Variants in RGS6 observed in about 807,000 individuals in gnomAD.
The protein encoded by RGS6 is regulator of G protein signaling 6, also known as regulator of G-protein signaling 6.
Under a neutral mutation model 78.5 loss-of-function variants are expected in RGS6, and 30 were observed. That is an observed-to-expected ratio of 0.38 (90% CI 0.29 to 0.52). The LOEUF (loss-of-function observed/expected upper bound fraction) is 0.52, where lower values mean the gene tolerates loss of function less well. Among genes scored for constraint, RGS6 ranks in the 20% least tolerant of loss-of-function variants. The probability of loss-of-function intolerance (pLI) is 0.85; values close to 1 mark genes in which losing one functional copy is unlikely to be tolerated. For synonymous variants in RGS6, 206 were observed against 206.0 expected, an observed-to-expected ratio of 1.00 and a Z score of 0.00; for missense variants, 495 against 609.7, an observed-to-expected ratio of 0.81 and a Z score of 1.98.
chr14:72,083,663 C>T (rs1432053666), intron 2 of RGS6, among the ~76,000 whole-genome samples: 2 of 152,148 alleles, frequency 1.3e-5, no homozygotes, highest in African/African-American at 4.8e-5. Flanking sequence ...TAAAAATTAA[C>T]CAACCACATT....
intron 2 of RGS6, among the ~76,000 whole-genome samples, chr14:72,259,359 C>T (rs2057689095): frequency 6.6e-6 from 1 of 152,036 alleles, no homozygotes; most frequent in African/African-American, 2.4e-5. Context: ...CCACAGTCTC[C>T]ACCATTCCCT....
the RGS6 span, among the ~76,000 whole-genome samples, chr14:71,905,500 T>C: frequency 6.6e-6 from 1 of 151,268 alleles, no homozygotes; most frequent in Non-Finnish European, 1.5e-5. Flanking sequence ...TTCTTTTCTC[T>C]TTTTTTTTGA....
chr14:72,208,189 G>C (rs1234485409), intron 2 of RGS6, among the ~76,000 whole-genome samples: 1 of 152,208 alleles, frequency 6.6e-6, no homozygotes, highest in African/African-American at 2.4e-5. Flanking sequence ...TTCTGAAGGA[G>C]AGAAACTCTC....
At chr14:72,467,027 G>A (rs1380219939) in intron 7 of RGS6, among the ~76,000 whole-genome samples, 1 of 152,134 alleles carries the variant, frequency 6.6e-6, no homozygotes, top group African/African-American at 2.4e-5. Flanking sequence ...TTCATAAGAT[G>A]AGACTTCTTG....
chr14:72,046,109 A>G (rs962613830), intron 2 of RGS6, among the ~76,000 whole-genome samples: 2 of 151,940 alleles, frequency 1.3e-5, no homozygotes, highest in African/African-American at 2.4e-5. Flanking sequence ...AGGTCAAAGC[A>G]TTAAAGTCAT....
At chr14:72,016,440 A>G (rs1201960865) in intron 2 of RGS6, among the ~76,000 whole-genome samples, 1 of 152,144 alleles carries the variant, frequency 6.6e-6, no homozygotes, top group Non-Finnish European at 1.5e-5. Flanking sequence ...ATCTCAGCTC[A>G]CTGCAAGTGC....
intron 17 of RGS6, among the ~76,000 whole-genome samples, chr14:72,550,030 T>C (rs1397442639): frequency 6.6e-6 from 1 of 152,180 alleles, no homozygotes; most frequent in Non-Finnish European, 1.5e-5. Flanking sequence ...ACCACCCCGA[T>C]TGCCGATGAC....
intron 3 of RGS6, among the ~76,000 whole-genome samples, chr14:72,396,921 A>G (rs549119108): frequency 2.6e-5 from 4 of 152,334 alleles, no homozygotes; most frequent in Admixed American, 2.6e-4. Flanking sequence ...TTTTGGTACC[A>G]GTACCATGCT....
chr14:72,046,135 C>G (rs1033043591), intron 2 of RGS6, among the ~76,000 whole-genome samples: 1 of 151,748 alleles, frequency 6.6e-6, no homozygotes, highest in Non-Finnish European at 1.5e-5. Flanking sequence ...TCCCTAGGAG[C>G]GTCTCCCCCA....
At chr14:72,131,939 A>G (rs1279097575) in intron 2 of RGS6, among the ~76,000 whole-genome samples, 1 of 152,232 alleles carries the variant, frequency 6.6e-6, no homozygotes, top group East Asian at 1.9e-4. Flanking sequence ...TTAAAAATGT[A>G]CAGCAAAATC....
intron 2 of RGS6, among the ~76,000 whole-genome samples, chr14:72,156,453 C>CAAAAA (rs11332387): frequency 1.3e-5 from 1 of 76,768 alleles, no homozygotes; most frequent in South Asian, 5.1e-4. Context: ...GACTCCATCT[C>CAAAAA]AAAAAAAAAA....
chr14:71,964,515 AC>A (rs972562133), intron 1 of RGS6, among the ~76,000 whole-genome samples: 23 of 152,288 alleles, frequency 1.5e-4, no homozygotes, highest in African/African-American at 5.3e-4. Context: ...TCAAAAAAAA[AC>A]AAAACAAAAC....
intron 2 of RGS6, among the ~76,000 whole-genome samples, chr14:72,074,848 A>G (rs183463274): frequency 6.6e-6 from 1 of 152,268 alleles, no homozygotes; most frequent in African/African-American, 2.4e-5. Flanking sequence ...TCTTTAAACT[A>G]TTTGATCATT....
chr14:72,504,921 ATTTTTTTTT>A lies in RGS6; in HGVS notation c.966-5213_966-5205del, dbSNP rs34953560. On this transcript the variant is annotated intron_variant, in intron 13 of 17. Coordinates refer to ENST00000553525, the MANE Select transcript of RGS6 (RefSeq NM_001204424.2). ...AGGTGCCCACCACCACGCCCAGCTAATTTTTTTTTTTTTTTTTTTTTTTTTTTTGTATTT... is the reference window on the plus strand; with the variant it reads ...AGGTGCCCACCACCACGCCCAGCTAATTTTTTTTTTTTTTTTTTTGTATTT... 2.1e-4 allele frequency among the ~76,000 whole-genome samples: 16 copies of A among 76,076 alleles called. No individual in the cohort carries two copies. The South Asian group carries it at 3.8e-3, about 18-fold the overall frequency. 49.9% of individuals were successfully genotyped at this position (76,076 alleles called of 152,430 possible).
chr14:72,549,169 A>T (rs2097458391), intron 17 of RGS6, among the ~76,000 whole-genome samples: 1 of 152,018 alleles, frequency 6.6e-6, no homozygotes, highest in Non-Finnish European at 1.5e-5. Flanking sequence ...AAGATGACAC[A>T]CTCAAAGCAA....
At chr14:72,137,348 T>C (rs1249193867) in intron 2 of RGS6, among the ~76,000 whole-genome samples, 4 of 152,174 alleles carry the variant, frequency 2.6e-5, no homozygotes, top group African/African-American at 7.2e-5. Flanking sequence ...CACCCGCCAT[T>C]CTACACAGTT....
chr14:71,975,200 G>GT (rs2094044595), intron 2 of RGS6, among the ~76,000 whole-genome samples: 1 of 152,014 alleles, frequency 6.6e-6, no homozygotes, highest in Admixed American at 6.6e-5. Context: ...TGTGAAGGGT[G>GT]TTTTTTCTAG....
chr14:72,556,583 G>C (rs1449973764), intron 17 of RGS6, among the ~76,000 whole-genome samples: 1 of 147,886 alleles, frequency 6.8e-6, no homozygotes, highest in African/African-American at 2.5e-5. Context: ...GTGACTGCTG[G>C]GTACCTCCTC....
the RGS6 span, among the ~76,000 whole-genome samples, chr14:71,883,653 C>G: frequency 2.0e-5 from 3 of 152,172 alleles, no homozygotes; most frequent in Admixed American, 6.5e-5. Context: ...TCACAAAGAC[C>G]TTGCTGATAA....
Sources: gnomAD v4.1 joint callset for allele counts (sites outside exome capture counted in the v4.1 genomes callset) on GRCh38, gnomAD v4.1.1 for gene constraint, MANE v1.5 for transcripts, NCBI Gene and HGNC (gene_info 2026-07-23, HGNC 2026-07-21) for gene names.